The following WDR3 variants were observed in gnomAD, a reference collection of about 807,000 sequenced individuals.
WDR3 encodes the protein WD repeat domain 3.
WDR3 carries 81 observed loss-of-function variants against 123.7 expected under a neutral mutation model. The observed-to-expected ratio is 0.65, with a 90% CI of 0.55 to 0.79. WDR3 has a LOEUF of 0.79. WDR3 is among the 30% of genes least tolerant of loss of function. The probability of loss-of-function intolerance (pLI) is 0.00; values close to 1 mark genes in which losing one functional copy is unlikely to be tolerated. For missense variants in WDR3, 1,027 were observed against 1,123.2 expected, an observed-to-expected ratio of 0.91 and a Z score of 1.22; for synonymous variants, 390 against 388.8, an observed-to-expected ratio of 1.00 and a Z score of -0.04.
At position 117,963,043 on chromosome 1, in the gene WDR3, A is replaced by G. The variant is rs932130628; in HGVS notation, c.*3596A>G. 1 of 152,216 alleles carries G rather than the reference A, an allele frequency of 6.6e-6. No individual in the cohort carries two copies. The highest frequency in any genetic ancestry group is 1.5e-5 in the Non-Finnish European group (1 of 68,062). The allele number at this position is 152,216 out of a possible 1,614,324, so 9.4% of individuals were successfully genotyped here. On this transcript the variant is annotated 3_prime_UTR_variant, in exon 27 of 27. Coordinates refer to ENST00000349139, the MANE Select transcript of WDR3 (RefSeq NM_006784.3). ...AGGTTCTTAAAGGTAGTATCACCAT[A>G]TATTCAAGTCCTTTCTCTTTATTTC... is the stretch of plus-strand genomic sequence containing the variant.
At chr1:117,946,359 A>G (rs1651380812) in intron 12 of WDR3, among the ~76,000 whole-genome samples, 180 bp downstream of exon 12, 1 of 152,172 alleles carries the variant, frequency 6.6e-6, no homozygotes, top group Admixed American at 6.5e-5. Flanking sequence ...AAAAATTATG[A>G]AGAAGAAAAT....
At position 117,953,683 on chromosome 1, in the gene WDR3, C is replaced by T. The variant is rs527313379; in HGVS notation, c.2268+142C>T. 1.6e-4 allele frequency: 123 copies of T among 771,484 alleles called. 2 individuals carry two copies. The South Asian group carries it at 1.8e-3, about 11-fold the overall frequency. 47.8% of individuals were successfully genotyped at this position (771,484 alleles called of 1,614,324 possible). On this transcript the variant is annotated intron_variant, in intron 21 of 26. Coordinates refer to ENST00000349139, the MANE Select transcript of WDR3 (RefSeq NM_006784.3). ...AAAGATGGGGATTATAACCTGTTTC[C>T]TTCTCTTGTAACCAAAGATGGGAGT...
Position 117,964,738 on chromosome 1 carries a change from GC to G in WDR3, c.*5292del. ...AAGCTACATAAAGGCAGGCGTTTCG[GC>G]ATCTTTGAAAGCATAAATGAACAAA... is the stretch of plus-strand genomic sequence containing the variant. On this transcript the variant is annotated 3_prime_UTR_variant, in exon 27 of 27. Transcript: ENST00000349139. 1 of 152,224 alleles carries G rather than the reference GC, an allele frequency of 6.6e-6. No individual in the cohort carries two copies. The highest frequency in any genetic ancestry group is 1.9e-4 in the East Asian group (1 of 5,182). The allele number at this position is 152,224 out of a possible 1,614,324, so 9.4% of individuals were successfully genotyped here. A position where few individuals can be genotyped will look rare whatever the true frequency, so the allele number is the denominator to read the frequency against.
chr1:117,943,908 A>C (rs1183737052), intron 11 of WDR3, among the ~76,000 whole-genome samples: 1 of 152,210 alleles, frequency 6.6e-6, no homozygotes, highest in African/African-American at 2.4e-5. Flanking sequence ...CTTAATAAAA[A>C]GCAGGCTGTT....
In WDR3 at chr1:117,954,618, C is replaced by T. The variant is rs762820585; in HGVS notation, c.2400C>T (p.Gly800=). 1 of 1,612,082 alleles carries T rather than the reference C, an allele frequency of 6.2e-7. No homozygotes were observed. The highest frequency in any genetic ancestry group is 8.5e-7 in the Non-Finnish European group (1 of 1,178,968). ...GCAACCCCATCCTAATGGCTTATGG[C>T]AGTATCTCAGTGAGTAAAATGTCTA... The part of the protein sequence containing the change: ...LPSNPILMAY[G]SISPSAYVLE... Residue 800 remains glycine, a synonymous_variant, in exon 23 of 27, where the codon GGC becomes GGT. Coordinates refer to ENST00000349139, the MANE Select transcript of WDR3 (RefSeq NM_006784.3).
rs147794849 is a variant in WDR3, at chr1:117,942,757, A to G, written c.1097+213A>G. 6.6e-3 allele frequency among the ~76,000 whole-genome samples: 1,009 copies of G among 152,142 alleles called. 6 individuals are homozygous for G. Among genetic ancestry groups the G allele is most frequent in the Non-Finnish European group, 0.012 (790 of 68,000 alleles). On this transcript the variant is annotated intron_variant, in intron 10 of 26. Coordinates refer to ENST00000349139, the MANE Select transcript of WDR3 (RefSeq NM_006784.3). ...ATTATAGTACCCTTTTTAGCTAGTC[A>G]TTTACTGTCTTTTCCTGCAGCTAAT... is the stretch of plus-strand genomic sequence containing the variant.
At chr1:117,948,328 T>C in intron 12 of WDR3, 77 bp from the exon 13 acceptor site, 2 of 1,285,992 alleles carry the variant, frequency 1.6e-6, no homozygotes, top group Non-Finnish European at 1.1e-6. Flanking sequence ...ATGAAGTCTT[T>C]TCTAAATTGT....
At chr1:117,952,505 T>C in intron 18 of WDR3, 23 bp from the exon 19 acceptor site, 2 of 1,598,390 alleles carry the variant, frequency 1.3e-6, no homozygotes, top group East Asian at 2.2e-5. Context: ...TGAGGTATTC[T>C]TTATTTTTTT....
Position 117,963,733 on chromosome 1 carries a change from A to G in WDR3, c.*4286A>G, listed in dbSNP as rs767206732. ...TCTGACTATAAGAAGAGGGGAAGAA[A>G]CCTGGGGTCTAATACCTCAAATTTG... On this transcript the variant is annotated 3_prime_UTR_variant, in exon 27 of 27. Coordinates refer to ENST00000349139, the MANE Select transcript of WDR3 (RefSeq NM_006784.3). 1.9e-5 allele frequency: 27 copies of G among 1,449,682 alleles called. No individual in the cohort carries two copies. The highest frequency in any genetic ancestry group is 2.3e-5 in the Non-Finnish European group (25 of 1,064,068). 89.8% of individuals were successfully genotyped at this position (1,449,682 alleles called of 1,614,324 possible). A position where few individuals can be genotyped will look rare whatever the true frequency, so the allele number is the denominator to read the frequency against.
In WDR3 at chr1:117,966,080, G is replaced by C. The variant is rs1303688805; in HGVS notation, c.*6633G>C. The C allele has an allele frequency of 3.3e-5, 5 of 152,196 alleles. No individual in the cohort carries two copies. The highest frequency in any genetic ancestry group is 4.4e-5 in the Non-Finnish European group (3 of 68,038). 9.4% of individuals were successfully genotyped at this position (152,196 alleles called of 1,614,324 possible). A position where few individuals can be genotyped will look rare whatever the true frequency, so the allele number is the denominator to read the frequency against. On this transcript the variant is annotated 3_prime_UTR_variant, in exon 27 of 27. Coordinates refer to ENST00000349139, the MANE Select transcript of WDR3 (RefSeq NM_006784.3). ...AAAGTACAAAATAGAAATAAAATGTGAAGACTTTATTTCTGCTACAAATTA... is the reference window on the plus strand; with the variant it reads ...AAAGTACAAAATAGAAATAAAATGTCAAGACTTTATTTCTGCTACAAATTA...
In WDR3 at chr1:117,962,378, A is replaced by G. The variant is rs1344965641; in HGVS notation, c.*2931A>G. 5 of 152,208 alleles carry G rather than the reference A, an allele frequency of 3.3e-5. No homozygotes were observed. The highest frequency in any genetic ancestry group is 7.3e-5 in the Non-Finnish European group (5 of 68,030). The allele number at this position is 152,208 out of a possible 1,614,324, so 9.4% of individuals were successfully genotyped here. A position where few individuals can be genotyped will look rare whatever the true frequency, so the allele number is the denominator to read the frequency against. On this transcript the variant is annotated 3_prime_UTR_variant, in exon 27 of 27. Transcript: ENST00000349139. ...ATTGCCTTAGTCAGCCATTGGCTGT[A>G]TATAATCCTTAATATAAAAACCATC...
At chr1:117,950,583 G>T (rs1044043025) in intron 15 of WDR3, among the ~76,000 whole-genome samples, 1 of 152,252 alleles carries the variant, frequency 6.6e-6, no homozygotes, top group Admixed American at 6.5e-5. Flanking sequence ...GAGATACAGA[G>T]ATCTGACTGA....
chr1:117,940,718 ACT>A (rs1651112814), intron 6 of WDR3, 107 bp from the exon 7 acceptor site: 1 of 994,404 alleles, frequency 1.0e-6, no homozygotes, highest in Non-Finnish European at 1.5e-6. Flanking sequence ...ACAGAGTAAG[ACT>A]CTGTCTCCGA....
chr1:117,952,730 T>C, intron 19 of WDR3, 68 bp downstream of exon 19: 1 of 1,577,134 alleles, frequency 6.3e-7, no homozygotes, highest in Non-Finnish European at 8.6e-7. Context: ...GTTGAAGTTT[T>C]CTGTCTAGTG....
chr1:117,954,077 T>C lies in WDR3; in HGVS notation c.2339T>C (p.Ile780Thr). ...GCAAAAATGAAGGAACACAAAGCCATTTGTAAAGCTGCAGGGAAAGAGGTA... is the reference window on the plus strand; with the variant it reads ...GCAAAAATGAAGGAACACAAAGCCACTTGTAAAGCTGCAGGGAAAGAGGTA... ...ETAKMKEHKA[I>T]CKAAGKEVPL... Residue 780 changes from isoleucine to threonine, a missense_variant, in exon 22 of 27, where the codon ATT becomes ACT. By Grantham distance (89) the Ile-to-Thr change is moderately conservative (BLOSUM62 -1). Transcript: ENST00000349139. 6.2e-7 allele frequency: 1 copy of C among 1,612,136 alleles called. No homozygotes were observed. The highest frequency in any genetic ancestry group is 8.5e-7 in the Non-Finnish European group (1 of 1,178,708).
At chr1:117,945,363 G>A (rs1420364030) in intron 11 of WDR3, among the ~76,000 whole-genome samples, 1 of 152,164 alleles carries the variant, frequency 6.6e-6, no homozygotes, top group Admixed American at 6.5e-5. Flanking sequence ...GAACAAGAAT[G>A]TGCCTTTCTT....
Position 117,948,428 on chromosome 1 carries a change from C to G in WDR3, c.1446C>G (p.Asp482Glu), listed in dbSNP as rs770903014. The stretch of plus-strand genomic sequence containing the variant: ...AGACAGGGAAGCTGCAGCTTTATGA[C>G]TTGGCTTCAGGGAATCTGCTGGAGA... ...GTKTGKLQLY[D>E]LASGNLLETI... is the part of the protein sequence containing the mutation. The change falls in exon 13 of 27, where the codon GAC becomes GAG. Residue 482 changes from aspartate (D) to glutamate (E), a missense_variant. Coordinates refer to ENST00000349139, the MANE Select transcript of WDR3 (RefSeq NM_006784.3). 21 of 1,613,884 alleles carry G rather than the reference C, an allele frequency of 1.3e-5. No homozygotes were observed. The East Asian group carries it at 4.5e-4, about 34-fold the overall frequency.
Position 117,963,686 on chromosome 1 carries a change from C to A in WDR3, c.*4239C>A, listed in dbSNP as rs1653420260. Reference sequence around the variant, plus strand: ...GCCTAAACAAATATTTTCATTCATTCAGGCCAGGTGGCTTATAGGTTTCTG... The same window carrying A: ...GCCTAAACAAATATTTTCATTCATTAAGGCCAGGTGGCTTATAGGTTTCTG... On this transcript the variant is annotated 3_prime_UTR_variant, in exon 27 of 27. Transcript: ENST00000349139. 1 of 988,246 alleles carries A rather than the reference C, an allele frequency of 1.0e-6. No individual in the cohort carries two copies. 61.2% of individuals were successfully genotyped at this position (988,246 alleles called of 1,614,324 possible).
intron 16 of WDR3, among the ~76,000 whole-genome samples, chr1:117,951,377 A>G (rs1031082065): frequency 1.7e-4 from 25 of 151,506 alleles, no homozygotes; most frequent in African/African-American, 6.1e-4. Context: ...ATTAAAAACA[A>G]TGTCTATTCT....
Sources: allele counts gnomAD v4.1 joint callset (sites outside exome capture counted in the v4.1 genomes callset), GRCh38; gene constraint gnomAD v4.1.1; transcripts MANE v1.5; gene names NCBI Gene and HGNC (gene_info 2026-07-23, HGNC 2026-07-21).